The following NBAS variants were observed in gnomAD, a reference collection of about 807,000 sequenced individuals.
NBAS encodes NAG/BC035112 fusion.
In NBAS, 219 loss-of-function variants were observed where a neutral mutation model predicts 302.5. That is an observed-to-expected ratio of 0.72 (90% confidence interval 0.65 to 0.81). NBAS has a LOEUF of 0.81. Among genes scored for constraint, NBAS ranks in the 30% least tolerant of loss-of-function variants. The pLI is 0.00. For synonymous variants in NBAS, 1,118 were observed against 1,021.6 expected (o/e 1.09, Z -1.80); for missense variants, 2,932 against 2,841.6 (o/e 1.03, Z -0.72).
Position 15,168,270 on chromosome 2 carries a change from A to C in NBAS, c.6841-947T>G, listed in dbSNP as rs547289947. ...AAGCCAATTAACTAACGTTTAGACCAACTATATTATGCAACTGTACACAAT... is the reference window on the plus strand; with the variant it reads ...AAGCCAATTAACTAACGTTTAGACCCACTATATTATGCAACTGTACACAAT... On this transcript the variant is annotated intron_variant, in intron 51 of 51. Coordinates refer to ENST00000281513, the MANE Select transcript of NBAS (RefSeq NM_015909.4). Among the ~76,000 whole-genome samples the C allele has an allele frequency of 2.1e-3, 320 of 152,350 alleles. 1 individual carries two copies. The highest frequency in any genetic ancestry group is 3.7e-3 in the Non-Finnish European group (255 of 68,036).
chr2:14,841,098 TC>T, the NBAS span, among the ~76,000 whole-genome samples: 1 of 152,008 alleles, frequency 6.6e-6, no homozygotes, highest in African/African-American at 2.4e-5. Flanking sequence ...TTCTTTGTGA[TC>T]TAAGTTGTCA....
the NBAS span, among the ~76,000 whole-genome samples, chr2:14,827,885 G>T: frequency 6.6e-6 from 1 of 152,270 alleles, no homozygotes; most frequent in African/African-American, 2.4e-5. Context: ...GCAACACTGT[G>T]CCTGTGCTTG....
In NBAS at chr2:15,404,512, A is replaced by AT. The variant is rs996825365; in HGVS notation, c.2938-2212dup. On this transcript the variant is annotated intron_variant, in intron 25 of 51. Transcript: ENST00000281513. ...CATTAAATAATCACTTTTTTTTTTA[A>AT]TTTTTTTTTTTTTATTTTGAGACAG... is the stretch of plus-strand genomic sequence containing the variant. Among the ~76,000 whole-genome samples, 860 of 142,770 alleles carry AT rather than the reference A, an allele frequency of 6.0e-3. 2 individuals are homozygous for AT. Among genetic ancestry groups the AT allele is most frequent in the Non-Finnish European group, 8.7e-3 (562 of 64,426 alleles). 93.7% of individuals were successfully genotyped at this position (142,770 alleles called of 152,430 possible).
rs142192078 is a variant in NBAS, at chr2:15,280,897, C to T, written c.5139-3796G>A. Among the ~76,000 whole-genome samples the T allele has an allele frequency of 3.6e-4, 55 of 152,302 alleles. No homozygotes were observed. The East Asian group carries it at 0.01, about 29-fold the overall frequency. ...TAGCACATAAATGCCTCAGGATGAC[C>T]TTGATGTAGCAGACTTGATCTATAA... is the stretch of plus-strand genomic sequence containing the variant. On this transcript the variant is annotated intron_variant, in intron 42 of 51. Coordinates refer to ENST00000281513, the MANE Select transcript of NBAS (RefSeq NM_015909.4).
At chr2:15,120,074 G>A in the NBAS span, among the ~76,000 whole-genome samples, 1 of 152,110 alleles carries the variant, frequency 6.6e-6, no homozygotes, top group Non-Finnish European at 1.5e-5. Context: ...CCAAATGTGA[G>A]GCCCCTGGCA....
chr2:14,883,569 C>T, the NBAS span, among the ~76,000 whole-genome samples: 183 of 152,280 alleles, frequency 1.2e-3, 1 homozygote, highest in African/African-American at 4.2e-3. Flanking sequence ...GCCAAAATCA[C>T]TATGATTTGG....
At chr2:14,951,815 C>A in the NBAS span, among the ~76,000 whole-genome samples, 3 of 152,158 alleles carry the variant, frequency 2.0e-5, no homozygotes, top group South Asian at 6.2e-4. Flanking sequence ...TGGGAGCAGG[C>A]AGAAAGGTAC....
In NBAS at chr2:15,352,470, G is replaced by C. The variant is rs77694991; in HGVS notation, c.4090-389C>G. On this transcript the variant is annotated intron_variant, in intron 34 of 51. Transcript: ENST00000281513. ...AAAAGCTTTAGAGCAGGAATGAAAGGAAGGAAGATACACCTGGAAGAGGCC... is the reference window on the plus strand; with the variant it reads ...AAAAGCTTTAGAGCAGGAATGAAAGCAAGGAAGATACACCTGGAAGAGGCC... 8.4e-3 allele frequency among the ~76,000 whole-genome samples: 1,286 copies of C among 152,250 alleles called. 19 individuals are homozygous for C. The highest frequency in any genetic ancestry group is 0.059 in the East Asian group (303 of 5,162).
At chr2:14,874,463 TAAAAAAAAA>T in the NBAS span, among the ~76,000 whole-genome samples, 1 of 129,648 alleles carries the variant, frequency 7.7e-6, no homozygotes, top group Admixed American at 7.8e-5. Flanking sequence ...CGTCTCTACT[TAAAAAAAAA>T]AAAAAAAAAT....
the NBAS span, among the ~76,000 whole-genome samples, chr2:14,933,720 T>A: frequency 6.6e-6 from 1 of 152,220 alleles, no homozygotes; most frequent in Non-Finnish European, 1.5e-5. Context: ...GAAGGCATGA[T>A]GATACGTGAG....
intron 44 of NBAS, among the ~76,000 whole-genome samples, chr2:15,245,105 G>A (rs1220340540): frequency 6.6e-6 from 1 of 152,080 alleles, no homozygotes; most frequent in African/African-American, 2.4e-5. Flanking sequence ...CAGCACGATG[G>A]TATCTTAAAA....
the NBAS span, among the ~76,000 whole-genome samples, chr2:15,112,019 G>C: frequency 2.7e-5 from 4 of 149,904 alleles, no homozygotes; most frequent in Non-Finnish European, 5.9e-5. Context: ...ATGATCATTA[G>C]AATAGATGAA....
chr2:15,234,588 C>G lies in NBAS; in HGVS notation c.6103G>C (p.Asp2035His). The G allele has an allele frequency of 6.2e-7, 1 of 1,614,148 alleles. No homozygotes were observed. Among genetic ancestry groups the G allele is most frequent in the Non-Finnish European group, 8.5e-7 (1 of 1,180,006 alleles). The part of the protein sequence containing the change: ...AVGPLDISPK[D>H]IVQSAIMKII... ...TTCATGATTGCACTCTGCACTATAT[C>G]CTTGGGTGAGATGTCAAGAGGGCCA... The change falls in exon 46 of 52, where the codon GAT becomes CAT. Residue 2035 changes from aspartate (D) to histidine (H), a missense_variant. Coordinates refer to ENST00000281513, the MANE Select transcript of NBAS (RefSeq NM_015909.4).
chr2:15,488,154 A>G (rs1680712429), intron 12 of NBAS, among the ~76,000 whole-genome samples: 1 of 152,208 alleles, frequency 6.6e-6, no homozygotes, highest in African/African-American at 2.4e-5. Flanking sequence ...ATGCCTAGAG[A>G]AAAACAGAGT....
chr2:15,343,692 G>A (rs1672959996), intron 35 of NBAS, among the ~76,000 whole-genome samples: 1 of 151,446 alleles, frequency 6.6e-6, no homozygotes, highest in Admixed American at 6.6e-5. Context: ...TTCAAAAAAG[G>A]GACAACTTAT....
At chr2:15,213,479 T>C (rs969655878) in intron 48 of NBAS, among the ~76,000 whole-genome samples, 1 of 152,214 alleles carries the variant, frequency 6.6e-6, no homozygotes, top group Non-Finnish European at 1.5e-5. Context: ...TGTAAAGTCA[T>C]AGTGGGAAGA....
chr2:15,459,725 C>T (rs1679424244), intron 21 of NBAS, among the ~76,000 whole-genome samples: 1 of 152,066 alleles, frequency 6.6e-6, no homozygotes, highest in African/African-American at 2.4e-5. Flanking sequence ...ATGATCCACC[C>T]ACCTCGGCCT....
chr2:15,309,387 T>A, intron 38 of NBAS, 140 bp from the exon 39 acceptor site: 1 of 652,590 alleles, frequency 1.5e-6, no homozygotes, highest in South Asian at 1.7e-5. Context: ...TTCAGCACCA[T>A]CTAAAAACAG....
At chr2:14,878,710 A>G in the NBAS span, among the ~76,000 whole-genome samples, 1 of 152,182 alleles carries the variant, frequency 6.6e-6, no homozygotes, top group African/African-American at 2.4e-5. Context: ...CAGTTCCCAC[A>G]TACTCCCTGC....
Sources: allele counts gnomAD v4.1 joint callset (sites outside exome capture counted in the v4.1 genomes callset), GRCh38; gene constraint gnomAD v4.1.1; transcripts MANE v1.5; gene names NCBI Gene and HGNC (gene_info 2026-07-23, HGNC 2026-07-21).